Variants in ZBED6 observed in about 807,000 individuals in gnomAD.
ZBED6 encodes the protein zinc finger BED-type containing 6, also known as zinc finger BED domain-containing protein 6.
A neutral mutation model predicts 58.4 loss-of-function variants in ZBED6; 40 were observed. The observed-to-expected ratio is 0.68, with a 90% confidence interval of 0.53 to 0.89. ZBED6 has a LOEUF of 0.89. ZBED6 is among the 40% of genes least tolerant of loss of function. The probability of loss-of-function intolerance (pLI) is 0.00; values close to 1 mark genes in which losing one functional copy is unlikely to be tolerated. For synonymous variants in ZBED6, 439 were observed against 350.6 expected (o/e 1.25, Z -2.82); for missense variants, 1,057 against 1,003.9 (o/e 1.05, Z -0.71).
At chr1:203,834,684 C>A (rs1683656794) in intron 9 of ZBED6, among the ~76,000 whole-genome samples, 1 of 151,884 alleles carries the variant, frequency 6.6e-6, no homozygotes, top group Non-Finnish European at 1.5e-5. Flanking sequence ...GAGTCTTGCT[C>A]TGTCGCCCAC....
chr1:203,823,533 C>G (rs1679465598), intron 3 of ZBED6, among the ~76,000 whole-genome samples: 1 of 152,222 alleles, frequency 6.6e-6, no homozygotes, highest in African/African-American at 2.4e-5. Flanking sequence ...TCTAGGCATA[C>G]TGAGCCTTCT....
At chr1:203,805,917 T>A (rs2102519353) in intron 1 of ZBED6, 1 of 672,412 alleles carries the variant, frequency 1.5e-6, no homozygotes, top group East Asian at 3.5e-5. Context: ...CTTGCTTGTC[T>A]ACCTTCATTT....
At chr1:203,820,343 G>T (rs1389996069) in intron 3 of ZBED6, among the ~76,000 whole-genome samples, 3 of 151,942 alleles carry the variant, frequency 2.0e-5, no homozygotes, top group African/African-American at 7.3e-5. Flanking sequence ...GCGTTTCATT[G>T]CCCTTAACAC....
At chr1:203,835,865 C>T in intron 9 of ZBED6, 1 of 243,308 alleles carries the variant, frequency 4.1e-6, no homozygotes, top group Non-Finnish European at 9.0e-6. Context: ...TCCGGAGACC[C>T]CACTTATAGC....
chr1:203,813,580 T>C (rs1189194130), intron 1 of ZBED6, among the ~76,000 whole-genome samples: 1 of 152,210 alleles, frequency 6.6e-6, no homozygotes, highest in African/African-American at 2.4e-5. Context: ...GTTATCTGTA[T>C]TAGTTCCTAG....
chr1:203,818,494 A>C, intron 2 of ZBED6, 76 bp from the exon 3 acceptor site: 4 of 1,573,860 alleles, frequency 2.5e-6, no homozygotes, highest in South Asian at 2.2e-5. Context: ...TCTAAATTCC[A>C]GGAGCTCTTG....
intron 15 of ZBED6, 72 bp from the exon 16 acceptor site, chr1:203,850,985 G>T: frequency 6.5e-7 from 1 of 1,539,020 alleles, no homozygotes; most frequent in Non-Finnish European, 8.9e-7. Flanking sequence ...TAAGAAGGCA[G>T]CAAAAGAAAA....
In ZBED6 at chr1:203,814,644, T is replaced by C. The variant is rs117053854; in HGVS notation, c.*2555-2282T>C. Reference sequence around the variant, plus strand: ...ACGTTCATATGCTTTAGCAGCAGTTTCTTCTAGGCCTTTTCTATCAAGTAC... The same window carrying C: ...ACGTTCATATGCTTTAGCAGCAGTTCCTTCTAGGCCTTTTCTATCAAGTAC... On this transcript the variant is annotated intron_variant, in intron 1 of 16. Coordinates refer to ENST00000550078, the Ensembl canonical transcript of ZBED6. Among the ~76,000 whole-genome samples the C allele has an allele frequency of 1.8e-4, 27 of 152,300 alleles. No individual in the cohort carries two copies. In the East Asian group the frequency reaches 5.2e-3, roughly 29 times the overall value.
chr1:203,842,323 G>T (rs1028575535), intron 11 of ZBED6, among the ~76,000 whole-genome samples: 4 of 152,194 alleles, frequency 2.6e-5, no homozygotes, highest in African/African-American at 7.2e-5. Flanking sequence ...AGCACTGAGT[G>T]AGCGAGACTC....
At chr1:203,796,789 A>G in exon 1 of ZBED6, 1 of 229,360 alleles carries the variant, frequency 4.4e-6, no homozygotes, top group Non-Finnish European at 8.4e-6. Flanking sequence ...TACAAACAGT[A>G]CTTTGAAAAT....
At chr1:203,847,276 A>G in exon 12 of ZBED6, 1 of 1,614,018 alleles carries the variant, frequency 6.2e-7, no homozygotes, top group Non-Finnish European at 8.5e-7. Flanking sequence ...ATTGCAAACT[A>G]AACTCAAGAC....
At chr1:203,826,320 A>G (rs922917987) in intron 3 of ZBED6, among the ~76,000 whole-genome samples, 1 of 151,544 alleles carries the variant, frequency 6.6e-6, no homozygotes. Context: ...TTTAAAAAAT[A>G]TTATACTTTT....
chr1:203,796,683 C>G (rs916387810), exon 1 of ZBED6: 1 of 380,068 alleles, frequency 2.6e-6, no homozygotes, highest in Non-Finnish European at 4.7e-6. Flanking sequence ...TCACTTTTTG[C>G]TATCTCTATA....
rs1280604339 is a variant in ZBED6 at position 203,797,618 on chromosome 1, TATTA to T, written c.100_103del (p.Asn34LeufsTer9). ...ATTCTGGGATTCTGGGATGTGTTCC[TATTA>T]ATTCTAATACAGATGAAGAAGATGT... On this transcript the variant is annotated frameshift_variant, in exon 1 of 17. Coordinates refer to ENST00000550078, the Ensembl canonical transcript of ZBED6. LOFTEE classifies it high-confidence loss of function. The T allele has an allele frequency of 5.9e-6, 9 of 1,535,906 alleles. No homozygotes were observed. Among genetic ancestry groups the T allele is most frequent in the Admixed American group, 3.9e-5 (2 of 50,948 alleles).
rs1043525690 is a variant in ZBED6, at chr1:203,799,784, A to G, written c.2262A>G (p.Leu754=). Residue 754 remains leucine, a synonymous_variant, in exon 1 of 17, where the codon CTA becomes CTG. Transcript: ENST00000550078. ...CTCTGAAACTTGAAACAGATACCCTACTAAGTGCCATGCTTAAATCCAAGC... is the reference window on the plus strand; with the variant it reads ...CTCTGAAACTTGAAACAGATACCCTGCTAAGTGCCATGCTTAAATCCAAGC... 4.7e-6 allele frequency: 5 copies of G among 1,071,178 alleles called. No homozygotes were observed. The African/African-American group carries it at 4.7e-5, about 10-fold the overall frequency. The allele number at this position is 1,071,178 out of a possible 1,614,324, so 66.4% of individuals were successfully genotyped here. A position where few individuals can be genotyped will look rare whatever the true frequency, so the allele number is the denominator to read the frequency against.
intron 10 of ZBED6, among the ~76,000 whole-genome samples, chr1:203,838,954 CAAAAAAAA>C (rs59033094): frequency 1.0e-5 from 1 of 97,944 alleles, no homozygotes; most frequent in African/African-American, 4.3e-5. Flanking sequence ...GACTTCATCT[CAAAAAAAA>C]AAAAAAAAAA....
chr1:203,831,261 C>T (rs1267640382), intron 7 of ZBED6, among the ~76,000 whole-genome samples: 1 of 151,886 alleles, frequency 6.6e-6, no homozygotes, highest in Non-Finnish European at 1.5e-5. Flanking sequence ...TTCTAAAAAC[C>T]TTCTTTTAAG....
At chr1:203,847,430 C>T (rs370177370) in exon 12 of ZBED6, 1 of 1,613,832 alleles carries the variant, frequency 6.2e-7, no homozygotes, top group African/African-American at 1.3e-5. Flanking sequence ...AAGGATACAA[C>T]TTGCATCAAG....
chr1:203,799,386 G>A lies in ZBED6; in HGVS notation c.1864G>A (p.Ala622Thr), dbSNP rs1224916276. The A allele has an allele frequency of 5.7e-6, 4 of 703,336 alleles. No individual in the cohort carries two copies. In the Admixed American group the frequency reaches 8.0e-5, roughly 14 times the overall value. 43.6% of individuals were successfully genotyped at this position (703,336 alleles called of 1,614,324 possible). The change falls in exon 1 of 17, where the codon GCC becomes ACC. Residue 622 changes from alanine to threonine, a missense_variant. Coordinates refer to ENST00000550078, the Ensembl canonical transcript of ZBED6. ...TCATCATTTTAGTCATTCGGTCAAGGCCCGTCAGATACTGCAAGAGTTCCA... is the reference window on the plus strand; with the variant it reads ...TCATCATTTTAGTCATTCGGTCAAGACCCGTCAGATACTGCAAGAGTTCCA...
Sources: allele counts gnomAD v4.1 joint callset (sites outside exome capture counted in the v4.1 genomes callset), GRCh38; gene constraint gnomAD v4.1.1; transcripts MANE v1.5; gene names NCBI Gene and HGNC (gene_info 2026-07-23, HGNC 2026-07-21).